Variants in PRKN observed in about 807,000 individuals in gnomAD.
The protein encoded by PRKN is parkin RBR E3 ubiquitin protein ligase, also known as E3 ubiquitin-protein ligase parkin.
PRKN carries 56 observed loss-of-function variants against 59.5 expected under a neutral mutation model. The observed-to-expected ratio is 0.94, with a 90% CI of 0.76 to 1.18. PRKN has a LOEUF of 1.18. PRKN is among the 50% of genes most tolerant of loss of function. PRKN has a pLI of 0.00. For missense variants in PRKN, 657 were observed against 596.4 expected, an observed-to-expected ratio of 1.10 and a Z score of -1.06; for synonymous variants, 250 against 222.1, an observed-to-expected ratio of 1.13 and a Z score of -1.12.
intron 7 of PRKN, among the ~76,000 whole-genome samples, chr6:161,712,719 G>A (rs573574483): frequency 5.3e-5 from 8 of 152,054 alleles, no homozygotes; most frequent in South Asian, 4.2e-4. Context: ...AAACATATAC[G>A]TATATAAATG....
chr6:161,837,411 T>A (rs992651455), intron 6 of PRKN, among the ~76,000 whole-genome samples: 3 of 152,198 alleles, frequency 2.0e-5, no homozygotes, highest in African/African-American at 7.2e-5. Context: ...ACAGTGAGAC[T>A]GAGATTAGGT....
At chr6:161,437,790 A>G (rs1788996680) in intron 9 of PRKN, among the ~76,000 whole-genome samples, 1 of 152,226 alleles carries the variant, frequency 6.6e-6, no homozygotes, top group Non-Finnish European at 1.5e-5. Context: ...AAGCAGGGCT[A>G]GTCTGTGACA....
chr6:161,934,135 C>A (rs192073016), intron 6 of PRKN, among the ~76,000 whole-genome samples: 14 of 152,258 alleles, frequency 9.2e-5, no homozygotes, highest in African/African-American at 3.4e-4. Flanking sequence ...TGATAATGAG[C>A]CAGTTTTCAG....
At chr6:161,660,110 G>C (rs138209206) in intron 7 of PRKN, among the ~76,000 whole-genome samples, 9 of 152,234 alleles carry the variant, frequency 5.9e-5, no homozygotes, top group African/African-American at 2.2e-4. Flanking sequence ...ATAATGATTA[G>C]AACTATTAGT....
intron 9 of PRKN, among the ~76,000 whole-genome samples, chr6:161,441,671 A>G (rs960483894): frequency 1.2e-4 from 16 of 137,280 alleles, no homozygotes; most frequent in South Asian, 2.3e-4. Flanking sequence ...AAAAAAAAAA[A>G]GGATCTGAGG....
rs1779971299 is a variant in PRKN, at chr6:161,550,678, C to T, written c.934-1675G>A. 7.0e-6 allele frequency among the ~76,000 whole-genome samples: 1 copy of T among 142,348 alleles called. No individual in the cohort carries two copies. Among genetic ancestry groups the T allele is most frequent in the Non-Finnish European group, 1.5e-5 (1 of 65,196 alleles). 93.4% of individuals were successfully genotyped at this position (142,348 alleles called of 152,430 possible). ...TGTAGTTCCCCGTTTCCTGAGAAGA[C>T]AGGAGGCGGGTAGGGGTGGGGACAA... is the stretch of plus-strand genomic sequence containing the variant. On this transcript the variant is annotated intron_variant, in intron 8 of 11. Coordinates refer to ENST00000366898, the MANE Select transcript of PRKN (RefSeq NM_004562.3). The surrounding 1 kb of genome is among the most constrained non-coding windows in gnomAD (Gnocchi z 4.0).
chr6:162,557,634 G>T (rs1030557697), intron 1 of PRKN, among the ~76,000 whole-genome samples: 34 of 152,050 alleles, frequency 2.2e-4, no homozygotes, highest in African/African-American at 8.2e-4. Flanking sequence ...TCAGCCTCCC[G>T]AGTAGCTGGG....
At chr6:162,124,474 A>C (rs1241402427) in intron 4 of PRKN, among the ~76,000 whole-genome samples, 2 of 152,206 alleles carry the variant, frequency 1.3e-5, no homozygotes, top group Admixed American at 1.3e-4. Context: ...GATGAATAAC[A>C]GCAGACATTA....
intron 2 of PRKN, among the ~76,000 whole-genome samples, chr6:162,306,465 A>T (rs1257051105): frequency 6.6e-6 from 1 of 152,072 alleles, no homozygotes; most frequent in Non-Finnish European, 1.5e-5. Context: ...ATTACATGTT[A>T]TTCTTTCCAC....
intron 5 of PRKN, among the ~76,000 whole-genome samples, chr6:161,991,679 T>C (rs374337571): frequency 8.6e-5 from 13 of 151,958 alleles, no homozygotes; most frequent in Middle Eastern, 3.4e-3. Flanking sequence ...CCATCTCTAC[T>C]AAACATACAA....
chr6:161,665,795 G>A (rs896200607), intron 7 of PRKN, among the ~76,000 whole-genome samples: 4 of 152,060 alleles, frequency 2.6e-5, no homozygotes, highest in African/African-American at 4.8e-5. Context: ...TTATATGAAC[G>A]CCCATTGTGT....
At chr6:161,679,674 A>AC (rs35685379) in intron 7 of PRKN, among the ~76,000 whole-genome samples, 21,129 of 65,538 alleles carry the variant, frequency 0.32, 4,575 homozygotes, top group East Asian at 0.44. Context: ...TAATAGAACC[A>AC]CCCCCCCCCC....
At chr6:162,146,492 T>C (rs1417632894) in intron 4 of PRKN, among the ~76,000 whole-genome samples, 2 of 150,802 alleles carry the variant, frequency 1.3e-5, no homozygotes, top group Admixed American at 1.3e-4. Flanking sequence ...TATGTATATA[T>C]ACACATTATA....
At chr6:161,794,683 T>C (rs966055388) in intron 6 of PRKN, among the ~76,000 whole-genome samples, 5 of 152,098 alleles carry the variant, frequency 3.3e-5, no homozygotes, top group African/African-American at 1.2e-4. Flanking sequence ...GTCAGTCTCT[T>C]TGCTGCTTTC....
intron 6 of PRKN, among the ~76,000 whole-genome samples, chr6:161,795,013 T>G (rs1380570894): frequency 6.6e-6 from 1 of 150,950 alleles, no homozygotes; most frequent in Non-Finnish European, 1.5e-5. Context: ...GCCTCCCGAG[T>G]AGCTGGGACT....
intron 7 of PRKN, among the ~76,000 whole-genome samples, chr6:161,570,151 A>T (rs1780830594): frequency 8.3e-6 from 1 of 119,814 alleles, no homozygotes; most frequent in Admixed American, 8.4e-5. Flanking sequence ...AAAAAAATAT[A>T]TATATATATA....
rs922263262 is a variant in PRKN at position 161,363,302 on chromosome 6, G to A, written c.1168-3097C>T. 6.6e-6 allele frequency among the ~76,000 whole-genome samples: 1 copy of A among 152,108 alleles called. No homozygotes were observed. The highest frequency in any genetic ancestry group is 1.5e-5 in the Non-Finnish European group (1 of 68,026). On this transcript the variant is annotated intron_variant, in intron 10 of 11. Transcript: ENST00000366898. The surrounding 1 kb of genome is among the most constrained non-coding windows in gnomAD (Gnocchi z 4.1). Reference sequence around the variant, plus strand: ...GTTATATTTAAATAAATAAATAAAGGTGATGATAATGGAATAAGAGACTGT... The same window carrying A: ...GTTATATTTAAATAAATAAATAAAGATGATGATAATGGAATAAGAGACTGT...
intron 7 of PRKN, among the ~76,000 whole-genome samples, chr6:161,742,485 G>C (rs1194724670): frequency 6.6e-6 from 1 of 152,178 alleles, no homozygotes; most frequent in African/African-American, 2.4e-5. Flanking sequence ...TGGAATATTT[G>C]AGAATCTTCA....
At chr6:162,601,471 G>A (rs192978229) in intron 1 of PRKN, among the ~76,000 whole-genome samples, 2 of 152,200 alleles carry the variant, frequency 1.3e-5, no homozygotes, top group East Asian at 1.9e-4. Flanking sequence ...TAATTAGTTC[G>A]TTCCTCTATC....
Sources: gnomAD v4.1 joint callset for allele counts (sites outside exome capture counted in the v4.1 genomes callset) on GRCh38, gnomAD v4.1.1 for gene constraint, Gnocchi (gnomAD v3.1) non-coding constraint, MANE v1.5 for transcripts, NCBI Gene and HGNC (gene_info 2026-07-23, HGNC 2026-07-21) for gene names.